CTNND2: variants seen among roughly 807,000 people sequenced by gnomAD.
CTNND2 encodes the protein catenin delta-2.
A neutral mutation model predicts 144.4 loss-of-function variants in CTNND2; 22 were observed. The observed-to-expected ratio is 0.15, with a 90% CI of 0.11 to 0.22. The LOEUF (loss-of-function observed/expected upper bound fraction) is 0.22. CTNND2 is among the 10% of genes least tolerant of loss of function. CTNND2 has a pLI of 1.00. For missense variants in CTNND2, 1,353 were observed against 1,618.8 expected, an observed-to-expected ratio of 0.84 and a Z score of 2.82; for synonymous variants, 751 against 695.6, an observed-to-expected ratio of 1.08 and a Z score of -1.25.
At chr5:11,209,978 A>G (rs187110615) in intron 10 of CTNND2, among the ~76,000 whole-genome samples, 1 of 152,320 alleles carries the variant, frequency 6.6e-6, no homozygotes, top group East Asian at 1.9e-4. Flanking sequence ...ATAGGGAAGC[A>G]TACTATCCAT....
intron 1 of CTNND2, among the ~76,000 whole-genome samples, chr5:11,858,756 CG>C (rs1795364773): frequency 6.6e-6 from 1 of 152,036 alleles, no homozygotes; most frequent in Non-Finnish European, 1.5e-5. Flanking sequence ...GGTGAAACTC[CG>C]TCTCTACTAA....
intron 10 of CTNND2, among the ~76,000 whole-genome samples, chr5:11,225,178 C>T (rs1270880664): frequency 2.0e-5 from 3 of 152,166 alleles, no homozygotes; most frequent in Non-Finnish European, 4.4e-5. Flanking sequence ...AGCTGAATTT[C>T]TCCAGTATTG....
chr5:11,804,900 T>A (rs964879204), intron 1 of CTNND2, among the ~76,000 whole-genome samples: 1 of 152,162 alleles, frequency 6.6e-6, no homozygotes, highest in African/African-American at 2.4e-5. Context: ...GGCAAAGCAA[T>A]CTAACTGTAC....
intron 3 of CTNND2, among the ~76,000 whole-genome samples, chr5:11,497,335 C>T (rs545798453): frequency 1.3e-5 from 2 of 151,766 alleles, no homozygotes; most frequent in South Asian, 4.2e-4. Flanking sequence ...ATGTAATCTA[C>T]CCACATAAAG....
At chr5:11,725,310 T>C (rs918013383) in intron 2 of CTNND2, among the ~76,000 whole-genome samples, 1 of 152,238 alleles carries the variant, frequency 6.6e-6, no homozygotes, top group Admixed American at 6.5e-5. Context: ...TCTCTACAGA[T>C]ACAATTAACT....
intron 3 of CTNND2, among the ~76,000 whole-genome samples, chr5:11,511,753 T>C (rs1771668717): frequency 6.6e-6 from 1 of 152,170 alleles, no homozygotes; most frequent in African/African-American, 2.4e-5. Flanking sequence ...TCCATAGGTT[T>C]CTGTCCGTGG....
At chr5:11,721,350 T>A (rs1278526254) in intron 2 of CTNND2, among the ~76,000 whole-genome samples, 1 of 151,524 alleles carries the variant, frequency 6.6e-6, no homozygotes, top group Non-Finnish European at 1.5e-5. Flanking sequence ...AACAGTATGG[T>A]ATGTGAGTAA....
intron 15 of CTNND2, among the ~76,000 whole-genome samples, chr5:11,087,946 G>A (rs540965714): frequency 2.0e-5 from 3 of 152,288 alleles, no homozygotes; most frequent in South Asian, 4.1e-4. Context: ...AAGTAAAAGT[G>A]ACCCAGAGGA....
chr5:11,074,218 G>A (rs961050870), intron 16 of CTNND2, among the ~76,000 whole-genome samples: 3 of 152,142 alleles, frequency 2.0e-5, no homozygotes, highest in Non-Finnish European at 4.4e-5. Flanking sequence ...ATCCCAGAAC[G>A]TTCTGTCACG....
chr5:11,272,440 A>C (rs183572906), intron 9 of CTNND2, among the ~76,000 whole-genome samples: 282 of 152,310 alleles, frequency 1.9e-3, no homozygotes, highest in Non-Finnish European at 3.3e-3. Flanking sequence ...TGTATTTTGA[A>C]TCAAGACCCA....
chr5:11,681,980 T>TGACACATGACACATGACACAC (rs1784438422), intron 2 of CTNND2, among the ~76,000 whole-genome samples: 1 of 152,118 alleles, frequency 6.6e-6, no homozygotes, highest in Non-Finnish European at 1.5e-5. Flanking sequence ...ACATGACACA[T>TGACACATGACACATGACACAC]GACACATGAC....
chr5:11,594,523 T>C (rs1779412423), intron 2 of CTNND2, among the ~76,000 whole-genome samples: 1 of 152,270 alleles, frequency 6.6e-6, no homozygotes. Flanking sequence ...TTGTTGCCAA[T>C]TTCCTTTTTA....
intron 16 of CTNND2, among the ~76,000 whole-genome samples, chr5:11,054,930 A>G (rs115788744): frequency 9.2e-5 from 14 of 152,096 alleles, no homozygotes; most frequent in African/African-American, 1.9e-4. Flanking sequence ...CTACTGTTCA[A>G]TGTTTGACTG....
At chr5:11,205,604 C>T (rs1338247059) in intron 10 of CTNND2, among the ~76,000 whole-genome samples, 3 of 152,104 alleles carry the variant, frequency 2.0e-5, no homozygotes, top group Admixed American at 6.5e-5. Flanking sequence ...ATTTACCTCA[C>T]TGAATTTCAA....
chr5:11,564,012 T>C (rs1776879974), intron 3 of CTNND2, among the ~76,000 whole-genome samples: 1 of 152,102 alleles, frequency 6.6e-6, no homozygotes, highest in Admixed American at 6.5e-5. Context: ...GAACTCTGAG[T>C]GCAGTGATGC....
chr5:11,570,104 G>A (rs925499522), intron 2 of CTNND2, among the ~76,000 whole-genome samples: 2 of 152,096 alleles, frequency 1.3e-5, no homozygotes, highest in Admixed American at 1.3e-4. Flanking sequence ...TTGTTCCTTT[G>A]CTCAGTTGTC....
intron 2 of CTNND2, among the ~76,000 whole-genome samples, chr5:11,693,414 A>G (rs1157634187): frequency 6.6e-6 from 1 of 152,220 alleles, no homozygotes; most frequent in African/African-American, 2.4e-5. Flanking sequence ...ACTGCATTTC[A>G]TTTTAGGGAA....
intron 3 of CTNND2, among the ~76,000 whole-genome samples, chr5:11,455,586 A>G (rs570113039): frequency 2.0e-5 from 3 of 152,320 alleles, no homozygotes; most frequent in Admixed American, 6.5e-5. Flanking sequence ...CTCTTTTCAG[A>G]GGCAGCTTAG....
At chr5:11,306,010 G>A (rs995588010) in intron 9 of CTNND2, among the ~76,000 whole-genome samples, 1 of 152,208 alleles carries the variant, frequency 6.6e-6, no homozygotes, top group Non-Finnish European at 1.5e-5. Context: ...ACCCATCCCA[G>A]GTCTTAAGAG....
Sources: gnomAD v4.1 joint callset for allele counts (sites outside exome capture counted in the v4.1 genomes callset) on GRCh38, gnomAD v4.1.1 for gene constraint, MANE v1.5 for transcripts, NCBI Gene and HGNC (gene_info 2026-07-23, HGNC 2026-07-21) for gene names.